Variants in RALGPS1 observed in about 807,000 individuals in gnomAD.
The protein encoded by RALGPS1 is Ral GEF with PH domain and SH3 binding motif 1.
Under a neutral mutation model 78.8 loss-of-function variants are expected in RALGPS1, and 19 were observed. The observed-to-expected ratio is 0.24, with a 90% CI of 0.17 to 0.35. The LOEUF is 0.35. Among genes scored for constraint, RALGPS1 ranks in the 10% least tolerant of loss-of-function variants. The probability of loss-of-function intolerance (pLI) is 1.00; values close to 1 mark genes in which losing one functional copy is unlikely to be tolerated. For missense variants in RALGPS1, 454 were observed against 688.3 expected (o/e 0.66, Z 3.81); for synonymous variants, 228 against 256.3 (o/e 0.89, Z 1.06).
intron 4 of RALGPS1, among the ~76,000 whole-genome samples, chr9:127,011,675 T>G (rs960761309): frequency 2.0e-5 from 3 of 152,210 alleles, no homozygotes; most frequent in African/African-American, 7.2e-5. Flanking sequence ...AGGTTGACTC[T>G]CCCTCTCACC....
At chr9:127,093,473 G>A (rs1268977569) in intron 8 of RALGPS1, among the ~76,000 whole-genome samples, 1 of 152,204 alleles carries the variant, frequency 6.6e-6, no homozygotes, top group African/African-American at 2.4e-5. Context: ...GGCTGTGGTG[G>A]TCTGGTCTAC....
chr9:127,093,016 G>A (rs1276694963), intron 8 of RALGPS1, among the ~76,000 whole-genome samples: 1 of 152,112 alleles, frequency 6.6e-6, no homozygotes, highest in East Asian at 1.9e-4. Flanking sequence ...TCATCTGTAA[G>A]CTGGGTCCAT....
chr9:127,021,312 G>T (rs10987545), intron 4 of RALGPS1, among the ~76,000 whole-genome samples: 2 of 152,006 alleles, frequency 1.3e-5, no homozygotes, highest in Admixed American at 1.3e-4. Context: ...GACCAGCCTG[G>T]CCAACATGGT....
chr9:126,953,774 A>G (rs1383639713), intron 1 of RALGPS1, among the ~76,000 whole-genome samples: 1 of 152,144 alleles, frequency 6.6e-6, no homozygotes, highest in African/African-American at 2.4e-5. Context: ...GTTTGTTGAG[A>G]GAATGAGGGA....
intron 8 of RALGPS1, among the ~76,000 whole-genome samples, chr9:127,119,130 G>C (rs530828032): frequency 6.6e-6 from 1 of 152,290 alleles, no homozygotes; most frequent in South Asian, 2.1e-4. Context: ...CAGGCACGTG[G>C]AACAAGTCAG....
intron 11 of RALGPS1, among the ~76,000 whole-genome samples, chr9:127,186,066 C>T (rs1296930548): frequency 6.6e-6 from 1 of 152,194 alleles, no homozygotes; most frequent in Admixed American, 6.5e-5. Flanking sequence ...ATCCTGTCCA[C>T]TCCAAGGCTG....
chr9:127,006,864 T>C (rs1009618507), intron 4 of RALGPS1, among the ~76,000 whole-genome samples: 7 of 151,786 alleles, frequency 4.6e-5, no homozygotes, highest in Non-Finnish European at 1.0e-4. Context: ...TTTAATCTTA[T>C]TGGCACAATT....
At chr9:126,980,410 TA>T (rs1271508083) in intron 4 of RALGPS1, among the ~76,000 whole-genome samples, 1 of 152,300 alleles carries the variant, frequency 6.6e-6, no homozygotes, top group African/African-American at 2.4e-5. Flanking sequence ...GGGAATTCTT[TA>T]AAAAAATTAC....
intron 11 of RALGPS1, 70 bp downstream of exon 11, chr9:127,174,852 G>T: frequency 1.4e-6 from 2 of 1,432,212 alleles, no homozygotes; most frequent in South Asian, 1.1e-5. Flanking sequence ...AGTTGGCCTT[G>T]ACCGGGGAGG....
intron 8 of RALGPS1, among the ~76,000 whole-genome samples, chr9:127,085,439 G>A (rs2051608435): frequency 6.6e-6 from 1 of 152,212 alleles, no homozygotes; most frequent in African/African-American, 2.4e-5. Flanking sequence ...GGCAGGTAGA[G>A]CAGTTCACTG....
At chr9:127,216,835 G>C (rs942415473) in intron 18 of RALGPS1, 4 of 1,365,992 alleles carry the variant, frequency 2.9e-6, no homozygotes, top group Non-Finnish European at 3.9e-6. Context: ...TGTGTGTCTG[G>C]GGTCCCTCAG....
chr9:127,180,288 G>T (rs1438436163), intron 11 of RALGPS1, among the ~76,000 whole-genome samples: 1 of 152,230 alleles, frequency 6.6e-6, no homozygotes, highest in Non-Finnish European at 1.5e-5. Context: ...TTTCTCAGAA[G>T]ATTCCTGGGC....
intron 1 of RALGPS1, among the ~76,000 whole-genome samples, chr9:126,924,569 C>G (rs551459346): frequency 6.6e-6 from 1 of 152,310 alleles, no homozygotes; most frequent in East Asian, 1.9e-4. Flanking sequence ...ACAGGAATAT[C>G]TTTGGTGTGC....
chr9:127,026,246 A>AGT (rs1010430875), intron 4 of RALGPS1, among the ~76,000 whole-genome samples: 6 of 152,286 alleles, frequency 3.9e-5, no homozygotes, highest in Non-Finnish European at 7.4e-5. Flanking sequence ...GGGCTAGGCC[A>AGT]GTGTAGTCTT....
At chr9:126,975,260 C>G (rs1192899480) in intron 3 of RALGPS1, among the ~76,000 whole-genome samples, 4 of 152,130 alleles carry the variant, frequency 2.6e-5, no homozygotes, top group African/African-American at 9.7e-5. Flanking sequence ...AATAAAACAC[C>G]TGAACACATT....
chr9:127,170,451 G>T (rs1172454558), intron 10 of RALGPS1, among the ~76,000 whole-genome samples: 3 of 152,150 alleles, frequency 2.0e-5, no homozygotes, highest in Admixed American at 1.3e-4. Context: ...AAGAAATTGT[G>T]ATCTGTTACC....
rs374102271 is a variant in RALGPS1 at position 126,920,593 on chromosome 9, G to A, written c.-66+5618G>A. Among the ~76,000 whole-genome samples, 6 of 152,302 alleles carry A rather than the reference G, an allele frequency of 3.9e-5. No individual in the cohort carries two copies. The East Asian group carries it at 1.2e-3, about 29-fold the overall frequency. On this transcript the variant is annotated intron_variant, in intron 1 of 18. Coordinates refer to ENST00000259351, the MANE Select transcript of RALGPS1 (RefSeq NM_014636.3). ...GTAGGTGGCTCATAGATTTTAACTCGGGGGAAGAGTTGGTTGGATTGGCTT... is the reference window on the plus strand; with the variant it reads ...GTAGGTGGCTCATAGATTTTAACTCAGGGGAAGAGTTGGTTGGATTGGCTT...
intron 8 of RALGPS1, among the ~76,000 whole-genome samples, chr9:127,083,128 G>T (rs1212718950): frequency 3.3e-5 from 5 of 152,202 alleles, no homozygotes; most frequent in African/African-American, 1.2e-4. Flanking sequence ...AACATCTGGA[G>T]TGTAGTCTAG....
rs1589400191 is a variant in RALGPS1 at position 127,088,882 on chromosome 9, G to T, written c.610+19526G>T. ...GGAGTTGTTCTTTGTGCTGTGGCCA[G>T]CGTGACCAGGGTGGGCTCCTGGCAA... On this transcript the variant is annotated intron_variant, in intron 8 of 18. Coordinates refer to ENST00000259351, the MANE Select transcript of RALGPS1 (RefSeq NM_014636.3). The T allele has an allele frequency of 1.2e-5, 19 of 1,599,074 alleles. No homozygotes were observed. The East Asian group carries it at 4.2e-4, about 36-fold the overall frequency.
Sources: allele counts gnomAD v4.1 joint callset (sites outside exome capture counted in the v4.1 genomes callset), GRCh38; gene constraint gnomAD v4.1.1; transcripts MANE v1.5; gene names NCBI Gene and HGNC (gene_info 2026-07-23, HGNC 2026-07-21).